Variants in GALNT7 observed in about 807,000 individuals in gnomAD.
The protein encoded by GALNT7 is polypeptide N-acetylgalactosaminyltransferase 7.
In GALNT7, 60 loss-of-function variants were observed where a neutral mutation model predicts 82.1. That is an observed-to-expected ratio of 0.73 (90% CI 0.59 to 0.91). The LOEUF (loss-of-function observed/expected upper bound fraction) is 0.91, where lower values mean the gene tolerates loss of function less well. Among genes scored for constraint, GALNT7 ranks in the 40% least tolerant of loss-of-function variants. GALNT7 has a pLI of 0.00. For synonymous variants in GALNT7, 243 were observed against 275.1 expected, an observed-to-expected ratio of 0.88 and a Z score of 1.15; for missense variants, 660 against 804.2, an observed-to-expected ratio of 0.82 and a Z score of 2.17.
intron 1 of GALNT7, among the ~76,000 whole-genome samples, chr4:173,247,230 A>G (rs577775018): frequency 2.5e-4 from 38 of 151,796 alleles, no homozygotes; most frequent in African/African-American, 7.3e-4. Context: ...TGACTGGAAG[A>G]TCTGCATAGG....
chr4:173,188,494 A>G (rs1732523952), intron 1 of GALNT7, among the ~76,000 whole-genome samples: 1 of 152,232 alleles, frequency 6.6e-6, no homozygotes, highest in Non-Finnish European at 1.5e-5. Flanking sequence ...GAAAAGTACT[A>G]TAGAAAAGAA....
intron 1 of GALNT7, among the ~76,000 whole-genome samples, chr4:173,233,078 T>C (rs1310474746): frequency 6.6e-6 from 1 of 152,250 alleles, no homozygotes; most frequent in Non-Finnish European, 1.5e-5. Context: ...TTTCTTTCTG[T>C]GGCTGAATAG....
chr4:173,232,018 G>A (rs975898130), intron 1 of GALNT7, among the ~76,000 whole-genome samples: 12 of 152,130 alleles, frequency 7.9e-5, no homozygotes, highest in Non-Finnish European at 1.5e-4. Flanking sequence ...AGCAGATGGT[G>A]GGGGCTGAGT....
intron 3 of GALNT7, 105 bp from the exon 4 acceptor site, chr4:173,295,291 A>T: frequency 1.3e-6 from 1 of 746,744 alleles, no homozygotes; most frequent in Non-Finnish European, 2.3e-6. Context: ...TCCATGTAAA[A>T]TTACTGTCTA....
chr4:173,234,445 A>G (rs1304570091), intron 1 of GALNT7, among the ~76,000 whole-genome samples: 1 of 152,192 alleles, frequency 6.6e-6, no homozygotes, highest in Non-Finnish European at 1.5e-5. Context: ...AAGGGAACTC[A>G]TCATCTTCAA....
chr4:173,178,023 GT>G (rs1732110431), intron 1 of GALNT7, among the ~76,000 whole-genome samples: 2 of 113,230 alleles, frequency 1.8e-5, no homozygotes, highest in Non-Finnish European at 3.6e-5. Flanking sequence ...GTGTGTGTGT[GT>G]GTGTGTGTGT....
chr4:173,227,169 G>A (rs1440765855), intron 1 of GALNT7, among the ~76,000 whole-genome samples: 1 of 152,070 alleles, frequency 6.6e-6, no homozygotes, highest in Non-Finnish European at 1.5e-5. Context: ...GAGAAAAACT[G>A]TTAATTTAAC....
intron 2 of GALNT7, among the ~76,000 whole-genome samples, chr4:173,271,449 GTTTATTTA>G (rs907797175): frequency 5.6e-5 from 8 of 142,684 alleles, no homozygotes; most frequent in African/African-American, 1.2e-4. Context: ...TTGTTTGTTT[GTTTATTTA>G]TTTATTTATT....
intron 5 of GALNT7, among the ~76,000 whole-genome samples, chr4:173,296,167 A>G (rs1736710594): frequency 1.3e-5 from 2 of 152,202 alleles, no homozygotes; most frequent in African/African-American, 2.4e-5. Context: ...TGAGAGTTCT[A>G]AACACTTGAG....
intron 1 of GALNT7, among the ~76,000 whole-genome samples, chr4:173,231,585 C>G (rs1734034190): frequency 1.3e-5 from 2 of 152,160 alleles, no homozygotes; most frequent in African/African-American, 4.8e-5. Flanking sequence ...AGTAAAATTA[C>G]AGGTCCTGTC....
intron 1 of GALNT7, among the ~76,000 whole-genome samples, chr4:173,173,228 T>G (rs1294215688): frequency 6.6e-6 from 1 of 152,146 alleles, no homozygotes; most frequent in African/African-American, 2.4e-5. Context: ...TATTGTATTT[T>G]ATGATTATGG....
chr4:173,306,122 TTTTA>T (rs1737146663), intron 8 of GALNT7, among the ~76,000 whole-genome samples: 1 of 152,204 alleles, frequency 6.6e-6, no homozygotes, highest in Non-Finnish European at 1.5e-5. Flanking sequence ...CTCCTAAATA[TTTTA>T]TTGTTTTGCT....
rs901644472 is a variant in GALNT7 at position 173,323,785 on chromosome 4, A to T, written c.*2068A>T. On this transcript the variant is annotated 3_prime_UTR_variant, in exon 12 of 12. Coordinates refer to ENST00000265000, the MANE Select transcript of GALNT7 (RefSeq NM_017423.3). ...CCTTGCTTTGTAAGTTGGTAATATC[A>T]CTATGCATTTCTACACATTTTATAA... 9 of 152,580 alleles carry T rather than the reference A, an allele frequency of 5.9e-5. No homozygotes were observed. The highest frequency in any genetic ancestry group is 1.3e-4 in the Non-Finnish European group (9 of 67,982). 9.5% of individuals were successfully genotyped at this position (152,580 alleles called of 1,614,324 possible). A position where few individuals can be genotyped will look rare whatever the true frequency, so the allele number is the denominator to read the frequency against.
intron 1 of GALNT7, among the ~76,000 whole-genome samples, chr4:173,199,762 T>C (rs1190221549): frequency 1.3e-5 from 2 of 152,086 alleles, no homozygotes; most frequent in African/African-American, 4.8e-5. Context: ...GGGCGGCGGG[T>C]GGTGGGTGGT....
intron 1 of GALNT7, among the ~76,000 whole-genome samples, chr4:173,228,765 G>A (rs939014527): frequency 1.3e-5 from 2 of 152,122 alleles, no homozygotes; most frequent in African/African-American, 4.8e-5. Flanking sequence ...ACCCTAAAAA[G>A]GTTAAGAGCC....
intron 2 of GALNT7, among the ~76,000 whole-genome samples, chr4:173,260,684 C>G (rs1029019383): frequency 3.9e-5 from 6 of 152,078 alleles, no homozygotes; most frequent in African/African-American, 9.7e-5. Flanking sequence ...AATGAGCATG[C>G]CTTTTTATGT....
intron 2 of GALNT7, among the ~76,000 whole-genome samples, chr4:173,285,907 AATCT>A (rs879619330): frequency 1.2e-4 from 19 of 152,212 alleles, no homozygotes; most frequent in Non-Finnish European, 2.6e-4. Flanking sequence ...GTGGCACCTT[AATCT>A]ATTTCCCAGG....
rs183149095 is a variant in GALNT7 at position 173,236,507 on chromosome 4, G to A, written c.127-11473G>A. On this transcript the variant is annotated intron_variant, in intron 1 of 11. Transcript: ENST00000265000. Reference sequence around the variant, plus strand: ...TCCAAAATTCAGCTTTGATCTCATGGCTCCCATGTAAGAGGATAAAGTCTG... The same window carrying A: ...TCCAAAATTCAGCTTTGATCTCATGACTCCCATGTAAGAGGATAAAGTCTG... Among the ~76,000 whole-genome samples, 28 of 152,090 alleles carry A rather than the reference G, an allele frequency of 1.8e-4. No individual in the cohort carries two copies. In the East Asian group the frequency reaches 5.4e-3, roughly 29 times the overall value.
In GALNT7 at chr4:173,318,486, AG is replaced by A; in HGVS notation, c.1766del (p.Gly589GlufsTer8). On this transcript the variant is annotated frameshift_variant, in exon 11 of 12. Coordinates refer to ENST00000265000, the MANE Select transcript of GALNT7 (RefSeq NM_017423.3). LOFTEE classifies it high-confidence loss of function. ...ATGCAGTATGACCAGTGTTTGACAA[AG>A]GGAGCTGATGGATCAAAAGTTATGA... Reference protein sequence around the residue: ...QLMQYDQCLTKGADGSKVMIT... With the variant: ...QLMQYDQCLTXGADGSKVMIT... The A allele has an allele frequency of 6.3e-7, 1 of 1,594,254 alleles. No individual in the cohort carries two copies. Among genetic ancestry groups the A allele is most frequent in the African/African-American group, 1.3e-5 (1 of 74,572 alleles).
Sources: allele counts gnomAD v4.1 joint callset (sites outside exome capture counted in the v4.1 genomes callset), GRCh38; gene constraint gnomAD v4.1.1; transcripts MANE v1.5; gene names NCBI Gene and HGNC (gene_info 2026-07-23, HGNC 2026-07-21).